Variants in COL28A1 observed in about 807,000 individuals in gnomAD.
The protein encoded by COL28A1 is collagen type XXVIII alpha 1 chain, also known as collagen alpha-1(XXVIII) chain.
COL28A1 carries 161 observed loss-of-function variants against 150.2 expected under a neutral mutation model. The observed-to-expected ratio is 1.07, with a 90% CI of 0.94 to 1.22. The LOEUF is 1.22. Ranked by LOEUF, COL28A1 falls within the 50% of genes most tolerant of loss-of-function variation. The pLI is 0.00. For missense variants in COL28A1, 1,617 were observed against 1,388.3 expected (o/e 1.16, Z -2.62); for synonymous variants, 552 against 469.7 (o/e 1.18, Z -2.26).
At chr7:7,504,113 G>C (rs1388125793) in intron 11 of COL28A1, among the ~76,000 whole-genome samples, 2 of 152,136 alleles carry the variant, frequency 1.3e-5, no homozygotes, top group African/African-American at 4.8e-5. Context: ...AAACATACTT[G>C]ATGCATTATT....
chr7:7,531,756 G>C lies in COL28A1; in HGVS notation c.273C>G (p.Ile91Met), dbSNP rs750904869. The C allele has an allele frequency of 6.2e-7, 1 of 1,609,134 alleles. No homozygotes were observed. The highest frequency in any genetic ancestry group is 8.5e-7 in the Non-Finnish European group (1 of 1,175,462). Residue 91 changes from isoleucine to methionine, a missense_variant, in exon 3 of 35, where the codon ATC becomes ATG. Physicochemically the swap from Ile to Met is conservative, Grantham distance 10 (BLOSUM62 1). Coordinates refer to ENST00000399429, the MANE Select transcript of COL28A1 (RefSeq NM_001037763.3). ...TGCTAAACTGAAGGGCTGCCAGTTT[G>C]ATGTCATATTCCAAGGAGCGACCAG... ...LTPGRSLEYD[I>M]KLAALQFSSS...
At chr7:7,514,694 G>C (rs900843679) in intron 8 of COL28A1, among the ~76,000 whole-genome samples, 11 of 152,238 alleles carry the variant, frequency 7.2e-5, no homozygotes, top group African/African-American at 2.6e-4. Context: ...AGAATTAAAA[G>C]ACTTATGAAT....
At chr7:7,440,973 G>C (rs754879792) in intron 20 of COL28A1, 112 bp from the exon 21 acceptor site, 8 of 619,834 alleles carry the variant, frequency 1.3e-5, no homozygotes, top group Non-Finnish European at 2.4e-5. Flanking sequence ...TTTTAAAGTG[G>C]TGTGCCCTGA....
At chr7:7,475,166 ATCT>A (rs2128351985) in intron 14 of COL28A1, among the ~76,000 whole-genome samples, 1 of 152,284 alleles carries the variant, frequency 6.6e-6, no homozygotes, top group South Asian at 2.1e-4. Context: ...TTCATGGAAA[ATCT>A]TCTTAGATAT....
At chr7:7,498,138 T>A (rs1191685649) in intron 11 of COL28A1, among the ~76,000 whole-genome samples, 2 of 152,168 alleles carry the variant, frequency 1.3e-5, no homozygotes, top group African/African-American at 4.8e-5. Flanking sequence ...CAATATTTGA[T>A]CATGTTTGGC....
intron 25 of COL28A1, among the ~76,000 whole-genome samples, chr7:7,429,892 A>G (rs1400170139): frequency 1.3e-5 from 2 of 152,146 alleles, no homozygotes; most frequent in African/African-American, 4.8e-5. Context: ...TCACTCAGAC[A>G]ATGGGAGTTT....
intron 18 of COL28A1, among the ~76,000 whole-genome samples, chr7:7,448,777 G>C (rs905861942): frequency 5.3e-5 from 8 of 151,856 alleles, no homozygotes; most frequent in African/African-American, 1.2e-4. Context: ...GCAATACAAA[G>C]GAATGAACTG....
At chr7:7,540,969 A>G in the COL28A1 span, among the ~76,000 whole-genome samples, 1 of 152,302 alleles carries the variant, frequency 6.6e-6, no homozygotes, top group African/African-American at 2.4e-5. Context: ...CATGAATATT[A>G]AGTTGTAGAA....
chr7:7,406,808 G>T (rs1327251387), intron 27 of COL28A1, among the ~76,000 whole-genome samples: 1 of 152,098 alleles, frequency 6.6e-6, no homozygotes, highest in Non-Finnish European at 1.5e-5. Context: ...GCAAGATAAA[G>T]TCAACAAGGT....
At chr7:7,406,535 T>C (rs755832720) in intron 27 of COL28A1, among the ~76,000 whole-genome samples, 2 of 152,126 alleles carry the variant, frequency 1.3e-5, no homozygotes, top group African/African-American at 4.8e-5. Flanking sequence ...TTTCAGATAA[T>C]GATAGTGCTA....
At chr7:7,394,275 C>T (rs1466837048) in intron 27 of COL28A1, among the ~76,000 whole-genome samples, 1 of 152,134 alleles carries the variant, frequency 6.6e-6, no homozygotes, top group Non-Finnish European at 1.5e-5. Context: ...CACTGTCTAA[C>T]CAGTCCCAGT....
chr7:7,436,452 TC>T lies in COL28A1; in HGVS notation c.1802del (p.Gly601GlufsTer83). On this transcript the variant is annotated frameshift_variant, in exon 23 of 35. Coordinates refer to ENST00000399429, the MANE Select transcript of COL28A1 (RefSeq NM_001037763.3). LOFTEE classifies it high-confidence loss of function. ...CCTTAAATCCAGGTATCCCAGGTCCTCCTCTATCTCCCTGTACATTTCAAAT... is the reference window on the plus strand; with the variant it reads ...CCTTAAATCCAGGTATCCCAGGTCCTCTCTATCTCCCTGTACATTTCAAAT... ...PGPPGPKGDR[G>X]GPGIPGFKGE... The T allele has an allele frequency of 7.4e-7, 1 of 1,354,438 alleles. No homozygotes were observed. Among genetic ancestry groups the T allele is most frequent in the Non-Finnish European group, 1.1e-6 (1 of 942,986 alleles). The allele number at this position is 1,354,438 out of a possible 1,614,324, so 83.9% of individuals were successfully genotyped here.
intron 25 of COL28A1, among the ~76,000 whole-genome samples, chr7:7,421,830 C>G (rs1784400697): frequency 6.6e-6 from 1 of 152,174 alleles, no homozygotes; most frequent in Non-Finnish European, 1.5e-5. Flanking sequence ...CTGTCTCCAT[C>G]TGTTCCACTT....
At chr7:7,372,271 T>C (rs60151687) in intron 32 of COL28A1, among the ~76,000 whole-genome samples, 17,026 of 151,386 alleles carry the variant, frequency 0.11, 3,241 homozygotes, top group African/African-American at 0.39. Flanking sequence ...TGGTGGCGCG[T>C]GCCTGTAGTC....
intron 11 of COL28A1, among the ~76,000 whole-genome samples, chr7:7,504,329 T>A (rs1341587612): frequency 6.6e-6 from 1 of 151,518 alleles, no homozygotes; most frequent in African/African-American, 2.4e-5. Context: ...AGAGCCCATC[T>A]CTACAAAAAA....
chr7:7,368,942 C>G (rs1583226446), intron 33 of COL28A1, among the ~76,000 whole-genome samples: 1 of 152,258 alleles, frequency 6.6e-6, no homozygotes, highest in East Asian at 1.9e-4. Context: ...TACCTATCTC[C>G]CTGAAAAAAT....
chr7:7,527,608 C>A (rs990911439), intron 3 of COL28A1, among the ~76,000 whole-genome samples: 1 of 152,004 alleles, frequency 6.6e-6, no homozygotes, highest in Non-Finnish European at 1.5e-5. Flanking sequence ...CAAAGCCTGA[C>A]GGGAGGCCAT....
chr7:7,389,968 T>G (rs1327696261), intron 27 of COL28A1, among the ~76,000 whole-genome samples: 1 of 152,212 alleles, frequency 6.6e-6, no homozygotes, highest in African/African-American at 2.4e-5. Flanking sequence ...CTCTTCCTAT[T>G]TGAATACCCT....
chr7:7,533,381 T>G (rs1243331415), intron 1 of COL28A1, among the ~76,000 whole-genome samples: 2 of 152,070 alleles, frequency 1.3e-5, no homozygotes, highest in African/African-American at 4.8e-5. Context: ...CACCACCCTT[T>G]CAGGCTTAAT....
Sources: gnomAD v4.1 joint callset for allele counts (sites outside exome capture counted in the v4.1 genomes callset) on GRCh38, gnomAD v4.1.1 for gene constraint, MANE v1.5 for transcripts, NCBI Gene and HGNC (gene_info 2026-07-23, HGNC 2026-07-21) for gene names.